The following ZFHX3 variants were observed in gnomAD, a reference collection of about 807,000 sequenced individuals.
ZFHX3 encodes the protein zinc finger homeobox 3, also known as zinc finger homeobox protein 3.
A neutral mutation model predicts 279.1 loss-of-function variants in ZFHX3; 42 were observed. That is an observed-to-expected ratio of 0.15 (90% CI 0.12 to 0.19). The LOEUF is 0.19. Among genes scored for constraint, ZFHX3 ranks in the 10% least tolerant of loss-of-function variants. ZFHX3 has a pLI of 1.00. For missense variants in ZFHX3, 4,981 were observed against 4,754.0 expected (o/e 1.05, Z -1.40); for synonymous variants, 2,293 against 1,957.8 (o/e 1.17, Z -4.52).
At chr16:73,392,418 C>CAAAAAAAAAA (rs35019692) in intron 3 of ZFHX3, among the ~76,000 whole-genome samples, 2,176 of 35,730 alleles carry the variant, frequency 0.061, 413 homozygotes, top group Non-Finnish European at 0.088. Flanking sequence ...GACCCTGTCT[C>CAAAAAAAAAA]AAAAAAAAAA....
chr16:73,841,441 G>T (rs934292074), intron 1 of ZFHX3, among the ~76,000 whole-genome samples: 5 of 152,126 alleles, frequency 3.3e-5, no homozygotes, highest in African/African-American at 1.2e-4. Context: ...GCTCCAGGAA[G>T]ACACCTGGGC....
chr16:73,549,898 G>T (rs1214000461), intron 2 of ZFHX3, among the ~76,000 whole-genome samples: 1 of 150,448 alleles, frequency 6.6e-6, no homozygotes, highest in Non-Finnish European at 1.5e-5. Flanking sequence ...AATTACATGA[G>T]AAGCAAAAAG....
chr16:72,940,480 G>C (rs965777921), intron 3 of ZFHX3, among the ~76,000 whole-genome samples: 3 of 152,116 alleles, frequency 2.0e-5, no homozygotes, highest in African/African-American at 7.2e-5. Context: ...CCAGACTTCT[G>C]TCTCATTCTG....
At chr16:73,095,005 C>G (rs987214226) in intron 7 of ZFHX3, among the ~76,000 whole-genome samples, 1 of 151,554 alleles carries the variant, frequency 6.6e-6, no homozygotes, top group African/African-American at 2.4e-5. Context: ...CCACTGTGCG[C>G]AGCTCCTTCT....
intron 8 of ZFHX3, among the ~76,000 whole-genome samples, chr16:73,085,386 G>A (rs1055658977): frequency 6.6e-6 from 1 of 152,200 alleles, no homozygotes; most frequent in Non-Finnish European, 1.5e-5. Flanking sequence ...AGCCTCCAGA[G>A]TAGCTGGGAC....
intron 8 of ZFHX3, among the ~76,000 whole-genome samples, chr16:73,078,223 CA>C (rs1843626602): frequency 6.6e-6 from 1 of 152,210 alleles, no homozygotes; most frequent in African/African-American, 2.4e-5. Context: ...ACAGTGGCCA[CA>C]GGATCTGCAC....
rs1381047076 is a variant in ZFHX3, at chr16:73,082,451, A to G, written c.-533+10784T>C. ...CCCGGCTAATTTTTTTTGTATTTTT[A>G]GTAGAGATGGGGTTTCACCGTGTTA... is the stretch of plus-strand genomic sequence containing the variant. On this transcript the variant is annotated intron_variant, in intron 8 of 17. Coordinates refer to the ZFHX3 transcript ENST00000641206. 2.0e-5 allele frequency among the ~76,000 whole-genome samples: 3 copies of G among 151,780 alleles called. No individual in the cohort carries two copies. The East Asian group carries it at 5.9e-4, about 30-fold the overall frequency.
chr16:72,899,701 T>G (rs1451564736), intron 3 of ZFHX3, among the ~76,000 whole-genome samples: 1 of 152,128 alleles, frequency 6.6e-6, no homozygotes, highest in Non-Finnish European at 1.5e-5. Context: ...GCAAGTCACA[T>G]ACACTGTTGG....
At chr16:73,416,241 T>C (rs2017579006) in intron 3 of ZFHX3, among the ~76,000 whole-genome samples, 1 of 152,072 alleles carries the variant, frequency 6.6e-6, no homozygotes, top group Non-Finnish European at 1.5e-5. Flanking sequence ...GGGATCACTG[T>C]AGGCATTTTT....
intron 3 of ZFHX3, among the ~76,000 whole-genome samples, chr16:73,411,213 G>A (rs1480147342): frequency 1.3e-5 from 2 of 152,194 alleles, no homozygotes; most frequent in East Asian, 3.8e-4. Context: ...TCCGACTTTA[G>A]AACCTCAGTC....
Position 73,198,899 on chromosome 16 carries a change from C to G in ZFHX3, c.-1103-55068G>C, listed in dbSNP as rs570765906. ...TCCTTTTTATAAAAAATCAGTTCTG[C>G]CTTCTCAAAGCAAACCATCAACATC... On this transcript the variant is annotated intron_variant, in intron 5 of 17. Coordinates refer to the ZFHX3 transcript ENST00000641206. 2.0e-5 allele frequency among the ~76,000 whole-genome samples: 3 copies of G among 152,328 alleles called. No individual in the cohort carries two copies. The East Asian group carries it at 5.8e-4, about 29-fold the overall frequency.
chr16:73,857,585 T>C lies in ZFHX3; in HGVS notation c.-1608+34066A>G, dbSNP rs7195318. Reference sequence around the variant, plus strand: ...TGGTTTGTTCTACACTGAAGTCTCGTGAAACGTGGGATACGTGTTCCTCCA... The same window carrying C: ...TGGTTTGTTCTACACTGAAGTCTCGCGAAACGTGGGATACGTGTTCCTCCA... On this transcript the variant is annotated intron_variant, in intron 1 of 17. Coordinates refer to the ZFHX3 transcript ENST00000641206. 1.7e-3 allele frequency among the ~76,000 whole-genome samples: 252 copies of C among 152,292 alleles called. 1 individual carries two copies. The highest frequency in any genetic ancestry group is 6.8e-3 in the Middle Eastern group (2 of 294).
chr16:73,764,890 C>A (rs2053912828), intron 1 of ZFHX3, among the ~76,000 whole-genome samples: 1 of 152,138 alleles, frequency 6.6e-6, no homozygotes, highest in Admixed American at 6.6e-5. Flanking sequence ...TGACAGGCAG[C>A]CAGATTTTAA....
intron 5 of ZFHX3, among the ~76,000 whole-genome samples, chr16:73,168,211 T>TTTTCTTTCTTTCTTTCTTTTC (rs1967424669): frequency 1.1e-5 from 1 of 95,222 alleles, no homozygotes; most frequent in Non-Finnish European, 2.1e-5. Context: ...GTTTCTTTTG[T>TTTTCTTTCTTTCTTTCTTTTC]TTTCTTTCTT....
chr16:73,501,288 G>A (rs1040539045), intron 2 of ZFHX3, among the ~76,000 whole-genome samples: 1 of 152,156 alleles, frequency 6.6e-6, no homozygotes, highest in Admixed American at 6.5e-5. Context: ...TGATGAATGA[G>A]GCATTTCTTA....
chr16:73,620,243 G>A (rs895174661), intron 2 of ZFHX3, among the ~76,000 whole-genome samples: 9 of 152,194 alleles, frequency 5.9e-5, no homozygotes, highest in Admixed American at 5.9e-4. Flanking sequence ...ACACCTTAAG[G>A]ACAAAAGCAC....
intron 2 of ZFHX3, among the ~76,000 whole-genome samples, chr16:73,496,256 C>T (rs530356429): frequency 5.3e-4 from 81 of 152,326 alleles, no homozygotes; most frequent in African/African-American, 1.7e-3. Flanking sequence ...CGTGGCCGGG[C>T]GTGGCGGCTC....
chr16:72,880,676 T>C (rs2038441615), intron 4 of ZFHX3, among the ~76,000 whole-genome samples: 1 of 152,218 alleles, frequency 6.6e-6, no homozygotes, highest in African/African-American at 2.4e-5. Flanking sequence ...CAGATGGCCC[T>C]GTACCAGGAA....
At chr16:73,709,469 T>G (rs2053336562) in intron 1 of ZFHX3, among the ~76,000 whole-genome samples, 1 of 152,018 alleles carries the variant, frequency 6.6e-6, no homozygotes, top group South Asian at 2.1e-4. Context: ...GGAAACCCTC[T>G]CATTTGCAAC....
Sources: gnomAD v4.1 joint callset for allele counts (sites outside exome capture counted in the v4.1 genomes callset) on GRCh38, gnomAD v4.1.1 for gene constraint, MANE v1.5 for transcripts, NCBI Gene and HGNC (gene_info 2026-07-23, HGNC 2026-07-21) for gene names.